STX8: variants seen among roughly 807,000 people sequenced by gnomAD.
STX8 encodes the protein syntaxin-8.
Under a neutral mutation model 37.5 loss-of-function variants are expected in STX8, and 23 were observed. The ratio of observed to expected loss-of-function variants is 0.61; its 90% CI spans 0.44 to 0.87. The LOEUF (loss-of-function observed/expected upper bound fraction) is 0.87. STX8 is among the 40% of genes least tolerant of loss of function. The probability of loss-of-function intolerance (pLI) is 0.00; values close to 1 mark genes in which losing one functional copy is unlikely to be tolerated. For missense variants in STX8, 313 were observed against 284.7 expected (o/e 1.10, Z -0.71); for synonymous variants, 115 against 99.1 (o/e 1.16, Z -0.95).
At chr17:9,436,209 G>A (rs1305469086) in intron 6 of STX8, among the ~76,000 whole-genome samples, 2 of 151,872 alleles carry the variant, frequency 1.3e-5, no homozygotes, top group Non-Finnish European at 2.9e-5. Flanking sequence ...GCTGGGAGTG[G>A]TGACGGGCGC....
intron 7 of STX8, among the ~76,000 whole-genome samples, chr17:9,297,280 C>A (rs1908596832): frequency 6.6e-6 from 1 of 150,976 alleles, no homozygotes; most frequent in African/African-American, 2.4e-5. Context: ...AAAAGTGAAT[C>A]CTGCTCCTAA....
intron 7 of STX8, among the ~76,000 whole-genome samples, chr17:9,341,208 G>C (rs997306179): frequency 6.6e-6 from 1 of 151,836 alleles, no homozygotes; most frequent in Non-Finnish European, 1.5e-5. Context: ...TTGCTACCTG[G>C]CAACAATCAC....
At chr17:9,304,385 G>A (rs907248821) in intron 7 of STX8, among the ~76,000 whole-genome samples, 3 of 151,802 alleles carry the variant, frequency 2.0e-5, no homozygotes, top group Admixed American at 2.0e-4. Context: ...AATTAGTCTG[G>A]CGTGGTGGCG....
intron 4 of STX8, among the ~76,000 whole-genome samples, chr17:9,523,717 G>C (rs1026267168): frequency 6.6e-5 from 10 of 152,122 alleles, no homozygotes; most frequent in Admixed American, 5.2e-4. Context: ...AAGGTAAAAT[G>C]CAATAAAATA....
intron 7 of STX8, among the ~76,000 whole-genome samples, chr17:9,287,263 A>T (rs955585486): frequency 6.6e-6 from 1 of 152,162 alleles, no homozygotes; most frequent in Admixed American, 6.5e-5. Context: ...GTTCTCCTGC[A>T]GGTGAGGCTA....
intron 6 of STX8, among the ~76,000 whole-genome samples, chr17:9,453,077 A>C (rs1219494376): frequency 6.6e-6 from 1 of 152,144 alleles, no homozygotes; most frequent in African/African-American, 2.4e-5. Context: ...AAGTGCTGGG[A>C]TTACAGGCGT....
At chr17:9,466,121 C>T (rs530668306) in intron 6 of STX8, among the ~76,000 whole-genome samples, 63 of 152,210 alleles carry the variant, frequency 4.1e-4, no homozygotes, top group African/African-American at 1.5e-3. Flanking sequence ...CAGGTGCACG[C>T]CACCACACCC....
chr17:9,447,530 C>T (rs963992779), intron 6 of STX8, among the ~76,000 whole-genome samples: 1 of 152,052 alleles, frequency 6.6e-6, no homozygotes, highest in African/African-American at 2.4e-5. Context: ...TCAAGCAATT[C>T]TTCTGCTTCA....
intron 6 of STX8, among the ~76,000 whole-genome samples, chr17:9,402,627 C>T (rs9908609): frequency 0.019 from 2,919 of 152,068 alleles, 92 homozygotes; most frequent in African/African-American, 0.065. Context: ...ATCAAGAGAC[C>T]GACACTTTGC....
intron 3 of STX8, among the ~76,000 whole-genome samples, chr17:9,545,549 C>G (rs1036360525): frequency 2.0e-5 from 3 of 152,034 alleles, no homozygotes; most frequent in East Asian, 3.9e-4. Context: ...AGAAATATAC[C>G]AGGTAAATAT....
intron 6 of STX8, among the ~76,000 whole-genome samples, chr17:9,424,602 C>G (rs1173665731): frequency 6.6e-6 from 1 of 152,116 alleles, no homozygotes; most frequent in Non-Finnish European, 1.5e-5. Flanking sequence ...TTTCCAGATC[C>G]TTATTCCTCT....
At chr17:9,361,073 A>T (rs1196114972) in intron 7 of STX8, among the ~76,000 whole-genome samples, 3 of 152,220 alleles carry the variant, frequency 2.0e-5, no homozygotes, top group African/African-American at 7.2e-5. Flanking sequence ...AAGGAATTTA[A>T]CGCTGGTTCA....
chr17:9,572,873 A>G (rs776794831), intron 1 of STX8, among the ~76,000 whole-genome samples: 4 of 152,186 alleles, frequency 2.6e-5, no homozygotes, highest in Admixed American at 6.5e-5. Context: ...AAAAGTCTCA[A>G]TGCTTTATCA....
At chr17:9,552,710 T>C (rs1400239097) in intron 3 of STX8, 1 of 151,372 alleles carries the variant, frequency 6.6e-6, no homozygotes, top group African/African-American at 2.4e-5. Flanking sequence ...TGGAGTGCAG[T>C]GGCGCGATCT....
chr17:9,409,362 AT>A (rs1912906968), intron 6 of STX8, among the ~76,000 whole-genome samples: 1 of 152,164 alleles, frequency 6.6e-6, no homozygotes, highest in African/African-American at 2.4e-5. Context: ...GCAACTATGT[AT>A]CTTCTGGAAA....
At chr17:9,526,365 G>A (rs1044294380) in intron 4 of STX8, among the ~76,000 whole-genome samples, 1 of 152,026 alleles carries the variant, frequency 6.6e-6, no homozygotes, top group East Asian at 1.9e-4. Flanking sequence ...ACATGGGAGC[G>A]TTGAGGCCTA....
chr17:9,392,836 T>G (rs1298436413), intron 6 of STX8, among the ~76,000 whole-genome samples: 1 of 152,046 alleles, frequency 6.6e-6, no homozygotes, highest in African/African-American at 2.4e-5. Flanking sequence ...TAAAAATGAA[T>G]AGAGCCTCAA....
chr17:9,450,808 G>T (rs73973766), intron 6 of STX8, among the ~76,000 whole-genome samples: 1 of 151,788 alleles, frequency 6.6e-6, no homozygotes. Context: ...TTTATTTCTC[G>T]GTGGTATTCT....
chr17:9,296,500 C>CAAAAAAAAA (rs55811417), intron 7 of STX8, among the ~76,000 whole-genome samples: 1 of 123,220 alleles, frequency 8.1e-6, no homozygotes. Flanking sequence ...CTCCATCTCT[C>CAAAAAAAAA]AAAAAAAAAA....
Sources: allele counts gnomAD v4.1 joint callset (sites outside exome capture counted in the v4.1 genomes callset), GRCh38; gene constraint gnomAD v4.1.1; transcripts MANE v1.5; gene names NCBI Gene and HGNC (gene_info 2026-07-23, HGNC 2026-07-21).